The following KDM4C variants were observed in gnomAD, a reference collection of about 807,000 sequenced individuals.
KDM4C encodes the protein lysine demethylase 4C, also known as lysine-specific demethylase 4C.
In KDM4C, 81 loss-of-function variants were observed where a neutral mutation model predicts 129.3. The ratio of observed to expected loss-of-function variants is 0.63; its 90% confidence interval spans 0.52 to 0.75. KDM4C has a LOEUF of 0.75. Ranked by LOEUF, KDM4C falls within the 30% of genes least tolerant of loss-of-function variation. KDM4C has a pLI of 0.00. For missense variants in KDM4C, 1,457 were observed against 1,304.0 expected (o/e 1.12, Z -1.81); for synonymous variants, 573 against 456.1 (o/e 1.26, Z -3.26).
intron 21 of KDM4C, among the ~76,000 whole-genome samples, chr9:7,171,778 C>G (rs943864034): frequency 3.3e-5 from 5 of 151,970 alleles, no homozygotes; most frequent in South Asian, 2.1e-4. Context: ...TTTCTAAGGT[C>G]TATTTCACTG....
rs1041611400 is a variant in KDM4C at position 7,165,178 on chromosome 9, G to C, written c.2782-60G>C. ...TTGCCAGGAGTTCATCATTTGCTAA[G>C]TTCTAAATGCAGTCACTTAGGCACT... On this transcript the variant is annotated intron_variant, in intron 19 of 21. Coordinates refer to ENST00000381309, the MANE Select transcript of KDM4C (RefSeq NM_015061.6). 3.9e-5 allele frequency: 62 copies of C among 1,593,896 alleles called. No individual in the cohort carries two copies. In the African/African-American group the frequency reaches 7.7e-4, roughly 20 times the overall value.
At chr9:6,963,281 T>C (rs762017769) in intron 8 of KDM4C, among the ~76,000 whole-genome samples, 1 of 152,248 alleles carries the variant, frequency 6.6e-6, no homozygotes, top group Non-Finnish European at 1.5e-5. Flanking sequence ...TATTAATAAT[T>C]GTTGGAAATA....
intron 15 of KDM4C, among the ~76,000 whole-genome samples, chr9:7,046,618 C>T (rs1829436718): frequency 6.6e-6 from 1 of 151,948 alleles, no homozygotes. Context: ...AAAATTATAC[C>T]AGGTTCATTT....
chr9:7,019,466 C>T (rs1370684990), intron 15 of KDM4C, among the ~76,000 whole-genome samples: 1 of 151,452 alleles, frequency 6.6e-6, no homozygotes, highest in East Asian at 1.9e-4. Context: ...TTTAAAAAAC[C>T]TGCCTTGTGA....
chr9:6,896,415 CAG>C (rs895788633), intron 8 of KDM4C, among the ~76,000 whole-genome samples: 8 of 151,678 alleles, frequency 5.3e-5, no homozygotes, highest in African/African-American at 1.7e-4. Context: ...CAAAATAGTG[CAG>C]AGTGTGGGGT....
chr9:6,903,542 A>G (rs1003785764), intron 8 of KDM4C, among the ~76,000 whole-genome samples: 2 of 151,932 alleles, frequency 1.3e-5, no homozygotes, highest in Non-Finnish European at 2.9e-5. Flanking sequence ...ATTTTCTCAC[A>G]CTCTTAGGAA....
Position 6,912,206 on chromosome 9 carries a change from A to G in KDM4C, c.921+18974A>G, listed in dbSNP as rs148025567. Among the ~76,000 whole-genome samples the G allele has an allele frequency of 5.8e-3, 878 of 152,152 alleles. 2 individuals are homozygous for G. The highest frequency in any genetic ancestry group is 0.011 in the African/African-American group (443 of 41,506). ...CCCCTTCCTCCTTTCCTGCCATTCT[A>G]TGCTTCTCTGCATTCTCCTTTAGCA... On this transcript the variant is annotated intron_variant, in intron 8 of 21. Coordinates refer to ENST00000381309, the MANE Select transcript of KDM4C (RefSeq NM_015061.6).
intron 18 of KDM4C, among the ~76,000 whole-genome samples, chr9:7,120,095 G>C (rs1535624): frequency 0.86 from 130,178 of 152,110 alleles, 55,965 homozygotes; most frequent in African/African-American, 0.92. Context: ...TGATTGACAG[G>C]TTGTTCTTGG....
intron 4 of KDM4C, among the ~76,000 whole-genome samples, chr9:6,831,829 C>T (rs563388594): frequency 6.6e-6 from 1 of 152,186 alleles, no homozygotes; most frequent in East Asian, 1.9e-4. Flanking sequence ...TTTCGTTGGC[C>T]AGAAAGAACC....
At chr9:6,977,339 TATG>T (rs1183576001) in intron 8 of KDM4C, among the ~76,000 whole-genome samples, 2 of 152,222 alleles carry the variant, frequency 1.3e-5, no homozygotes, top group African/African-American at 4.8e-5. Flanking sequence ...TAGGTTATAA[TATG>T]ATATGTTCGA....
chr9:6,751,433 C>G (rs1216512961), intron 1 of KDM4C, among the ~76,000 whole-genome samples: 1 of 152,028 alleles, frequency 6.6e-6, no homozygotes, highest in South Asian at 2.1e-4. Context: ...GTAACACACC[C>G]AGATCCTGTC....
chr9:6,795,627 C>A (rs185187143), intron 2 of KDM4C, among the ~76,000 whole-genome samples: 2 of 151,564 alleles, frequency 1.3e-5, no homozygotes, highest in Non-Finnish European at 2.9e-5. Context: ...CCACCGTGCC[C>A]GGACATGTAT....
chr9:6,970,645 G>A (rs1831807016), intron 8 of KDM4C, among the ~76,000 whole-genome samples: 1 of 152,176 alleles, frequency 6.6e-6, no homozygotes, highest in South Asian at 2.1e-4. Context: ...ATATGGATCA[G>A]GTGTGATAAC....
chr9:6,919,889 A>G (rs1259335745), intron 8 of KDM4C, among the ~76,000 whole-genome samples: 1 of 151,974 alleles, frequency 6.6e-6, no homozygotes, highest in South Asian at 2.1e-4. Context: ...TTATTTTTCT[A>G]TTCTCTCTTT....
intron 2 of KDM4C, among the ~76,000 whole-genome samples, chr9:6,801,845 C>T (rs1041993449): frequency 2.0e-5 from 3 of 151,998 alleles, no homozygotes; most frequent in Non-Finnish European, 4.4e-5. Context: ...TGGCTCATGC[C>T]TGTAATCCCA....
intron 18 of KDM4C, chr9:7,105,432 G>A (rs1837570337): frequency 2.1e-6 from 1 of 470,768 alleles, no homozygotes; most frequent in Non-Finnish European, 4.4e-6. Flanking sequence ...CTCAAAAAAT[G>A]AAAGTTGTAT....
chr9:7,037,213 A>G (rs147284483), intron 15 of KDM4C, among the ~76,000 whole-genome samples: 49 of 152,240 alleles, frequency 3.2e-4, no homozygotes, highest in African/African-American at 9.9e-4. Flanking sequence ...GTGTCAGATA[A>G]ATGAGGGTGT....
At chr9:6,759,128 C>G (rs1053864622) in intron 1 of KDM4C, among the ~76,000 whole-genome samples, 6 of 152,068 alleles carry the variant, frequency 3.9e-5, no homozygotes, top group African/African-American at 1.2e-4. Flanking sequence ...AAACTAACCC[C>G]GAGAGGTGAT....
intron 1 of KDM4C, among the ~76,000 whole-genome samples, chr9:6,775,617 G>C (rs1027203049): frequency 1.3e-5 from 2 of 151,794 alleles, no homozygotes; most frequent in African/African-American, 2.4e-5. Flanking sequence ...CCACCACGCA[G>C]GTTCAAGCAA....
Sources: allele counts gnomAD v4.1 joint callset (sites outside exome capture counted in the v4.1 genomes callset), GRCh38; gene constraint gnomAD v4.1.1; transcripts MANE v1.5; gene names NCBI Gene and HGNC (gene_info 2026-07-23, HGNC 2026-07-21).